Variants in PDLIM7 observed in about 807,000 individuals in gnomAD.
PDLIM7 encodes the protein PDZ and LIM domain 7.
In PDLIM7, 37 loss-of-function variants were observed where a neutral mutation model predicts 53.9. The observed-to-expected ratio is 0.69, with a 90% CI of 0.53 to 0.90. The LOEUF (loss-of-function observed/expected upper bound fraction) is 0.90, where lower values mean the gene tolerates loss of function less well. PDLIM7 is among the 40% of genes least tolerant of loss of function. PDLIM7 has a pLI of 0.00. For missense variants in PDLIM7, 617 were observed against 638.5 expected, an observed-to-expected ratio of 0.97 and a Z score of 0.36; for synonymous variants, 300 against 261.3, an observed-to-expected ratio of 1.15 and a Z score of -1.43.
At chr5:177,493,215 T>TG (rs1189264030) in intron 2 of PDLIM7, among the ~76,000 whole-genome samples, 1 of 152,230 alleles carries the variant, frequency 6.6e-6, no homozygotes, top group African/African-American at 2.4e-5. Flanking sequence ...TATAGGGGTC[T>TG]GCTGGGACCC....
intron 7 of PDLIM7, 60 bp downstream of exon 7, chr5:177,490,810 G>A (rs1211708627): frequency 3.8e-6 from 6 of 1,582,664 alleles, no homozygotes; most frequent in East Asian, 2.2e-5. Flanking sequence ...GTAGACACAG[G>A]GCAGTAGCTG....
At chr5:177,494,800 C>T (rs1474365961) in intron 2 of PDLIM7, among the ~76,000 whole-genome samples, 1 of 152,116 alleles carries the variant, frequency 6.6e-6, no homozygotes, top group Non-Finnish European at 1.5e-5. Context: ...CCTGAGCAGC[C>T]CAGCCCCCCA....
In PDLIM7 at chr5:177,483,568, C is replaced by G; in HGVS notation, c.*76G>C. 2 of 1,139,822 alleles carry G rather than the reference C, an allele frequency of 1.8e-6. No homozygotes were observed. Among genetic ancestry groups the G allele is most frequent in the Non-Finnish European group, 2.6e-6 (2 of 779,964 alleles). The allele number at this position is 1,139,822 out of a possible 1,614,324, so 70.6% of individuals were successfully genotyped here. A position where few individuals can be genotyped will look rare whatever the true frequency, so the allele number is the denominator to read the frequency against. On this transcript the variant is annotated 3_prime_UTR_variant, in exon 13 of 13. Transcript: ENST00000355841. ...AGGGTTAAGGCAACCATTGCCAGCCCTACCCAGAAATGCAGGGCCACGACT... is the reference window on the plus strand; with the variant it reads ...AGGGTTAAGGCAACCATTGCCAGCCGTACCCAGAAATGCAGGGCCACGACT...
intron 2 of PDLIM7, among the ~76,000 whole-genome samples, chr5:177,493,479 T>C (rs1758907901): frequency 6.6e-6 from 1 of 152,216 alleles, no homozygotes; most frequent in Non-Finnish European, 1.5e-5. Flanking sequence ...CAGGAATGAC[T>C]TTGAGGAAGC....
In PDLIM7 at chr5:177,483,988, A is replaced by C. The variant is rs1006613927; in HGVS notation, c.1172-6T>G. 2.5e-6 allele frequency: 4 copies of C among 1,613,704 alleles called. No individual in the cohort carries two copies. The highest frequency in any genetic ancestry group is 3.4e-6 in the Non-Finnish European group (4 of 1,179,852). On this transcript the variant is annotated splice_region_variant and splice_polypyrimidine_tract_variant and intron_variant, in intron 11 of 12. Transcript: ENST00000355841. ...GCCAAACATCTTCTCATAGTCTGAGAATGGGGGCAGAGAGAAAGAGGACCT... is the reference window on the plus strand; with the variant it reads ...GCCAAACATCTTCTCATAGTCTGAGCATGGGGGCAGAGAGAAAGAGGACCT...
At chr5:177,492,056 T>A in intron 4 of PDLIM7, 131 bp from the exon 5 acceptor site, 1 of 331,712 alleles carries the variant, frequency 3.0e-6, no homozygotes, top group Non-Finnish European at 5.3e-6. Flanking sequence ...CTACATCTAT[T>A]TGGAGGCTAC....
At chr5:177,494,820 G>A (rs563648095) in intron 2 of PDLIM7, among the ~76,000 whole-genome samples, 1 of 152,114 alleles carries the variant, frequency 6.6e-6, no homozygotes. Context: ...AGTCCCAGAC[G>A]TTACCTCATC....
chr5:177,492,166 C>T, intron 4 of PDLIM7: 1 of 620,454 alleles, frequency 1.6e-6, no homozygotes, highest in Non-Finnish European at 2.8e-6. Context: ...GCACGCAGCG[C>T]CGGCGGCGGG....
At chr5:177,491,690 G>T in intron 5 of PDLIM7, 117 bp downstream of exon 5, 1 of 666,996 alleles carries the variant, frequency 1.5e-6, no homozygotes, top group Non-Finnish European at 2.4e-6. Flanking sequence ...GCCAGGGGGC[G>T]CTGCCGCACG....
At chr5:177,493,703 A>G (rs1465760367) in intron 2 of PDLIM7, among the ~76,000 whole-genome samples, 2 of 152,184 alleles carry the variant, frequency 1.3e-5, no homozygotes, top group Non-Finnish European at 2.9e-5. Flanking sequence ...CCAGCAACAC[A>G]GGCAGGGCAG....
chr5:177,496,084 C>T (rs991012046), intron 2 of PDLIM7, among the ~76,000 whole-genome samples: 1 of 152,070 alleles, frequency 6.6e-6, no homozygotes, highest in Admixed American at 6.5e-5. Context: ...GGGCCTGGCT[C>T]CAAGCATTGC....
chr5:177,485,990 C>T (rs568863304), intron 10 of PDLIM7, among the ~76,000 whole-genome samples: 2 of 152,238 alleles, frequency 1.3e-5, no homozygotes, highest in African/African-American at 2.4e-5. Context: ...TATCATTATA[C>T]ATAAAGAAAT....
chr5:177,488,410 C>T (rs1303129488), intron 9 of PDLIM7, among the ~76,000 whole-genome samples, 162 bp from the exon 10 acceptor site: 3 of 152,210 alleles, frequency 2.0e-5, no homozygotes, highest in Non-Finnish European at 2.9e-5. Flanking sequence ...GTGACCGTGG[C>T]AGCCGTGAAG....
chr5:177,484,343 T>C, intron 10 of PDLIM7, 153 bp from the exon 11 acceptor site: 3 of 878,808 alleles, frequency 3.4e-6, no homozygotes, highest in Non-Finnish European at 5.2e-6. Flanking sequence ...CATCTCCAAC[T>C]CCAAGGTCTC....
intron 5 of PDLIM7, 58 bp from the exon 6 acceptor site, chr5:177,491,204 C>T: frequency 3.9e-6 from 6 of 1,548,464 alleles, no homozygotes; most frequent in Non-Finnish European, 5.3e-6. Context: ...GGGGCAGCCC[C>T]TCCCAGGATT....
chr5:177,496,553 C>T (rs775268042), intron 1 of PDLIM7, 30 bp from the exon 2 acceptor site: 1 of 1,487,060 alleles, frequency 6.7e-7, no homozygotes, highest in Non-Finnish European at 9.1e-7. Context: ...GGTGAGTGGC[C>T]AGCATGGTGG....
intron 2 of PDLIM7, among the ~76,000 whole-genome samples, chr5:177,494,685 G>A (rs1020851266): frequency 1.3e-5 from 2 of 152,176 alleles, no homozygotes; most frequent in African/African-American, 4.8e-5. Flanking sequence ...CGGGTGGCTG[G>A]AGAGAGGCAG....
In PDLIM7 at chr5:177,484,154, G is replaced by A. The variant is rs780722875; in HGVS notation, c.1087C>T (p.His363Tyr). 5 of 1,613,886 alleles carry A rather than the reference G, an allele frequency of 3.1e-6. No homozygotes were observed. The highest frequency in any genetic ancestry group is 1.7e-4 in the Middle Eastern group (1 of 6,058). ...TTGCAGGCAGCACAGGTAAAGCAGT[G>A]CACGTGCCAGGTCATCTTCAGGGCG... ...MHALKMTWHV[H>Y]CFTCAACKTP... The change falls in exon 11 of 13, where the codon CAC (histidine) becomes TAC (tyrosine). Residue 363 changes from histidine (H) to tyrosine (Y), a missense_variant. Coordinates refer to ENST00000355841, the MANE Select transcript of PDLIM7 (RefSeq NM_005451.5).
chr5:177,492,787 G>A (rs1294379387), intron 2 of PDLIM7, 110 bp from the exon 3 acceptor site: 2 of 1,225,616 alleles, frequency 1.6e-6, no homozygotes, highest in African/African-American at 3.0e-5. Flanking sequence ...AGAACCCAGA[G>A]AGCTCTTCAT....
Sources: gnomAD v4.1 joint callset for allele counts (sites outside exome capture counted in the v4.1 genomes callset) on GRCh38, gnomAD v4.1.1 for gene constraint, MANE v1.5 for transcripts, NCBI Gene and HGNC (gene_info 2026-07-23, HGNC 2026-07-21) for gene names.